DNAH10: variants seen among roughly 807,000 people sequenced by gnomAD.
The protein encoded by DNAH10 is dynein axonemal heavy chain 10.
A neutral mutation model predicts 506.6 loss-of-function variants in DNAH10; 348 were observed. The ratio of observed to expected loss-of-function variants is 0.69; its 90% confidence interval spans 0.63 to 0.75. The LOEUF (loss-of-function observed/expected upper bound fraction) is 0.75. Among genes scored for constraint, DNAH10 ranks in the 30% least tolerant of loss-of-function variants. DNAH10 has a pLI of 0.00. For missense variants in DNAH10, 5,179 were observed against 5,787.1 expected (o/e 0.89, Z 3.41); for synonymous variants, 2,059 against 2,198.6 (o/e 0.94, Z 1.78).
intron 49 of DNAH10, 126 bp from the exon 50 acceptor site, chr12:123,879,508 T>C: frequency 1.3e-6 from 2 of 1,489,262 alleles, no homozygotes; most frequent in Non-Finnish European, 1.8e-6. Context: ...TTAAGCGTCT[T>C]GCAGCAACTG....
intron 41 of DNAH10, among the ~76,000 whole-genome samples, chr12:123,866,327 TC>T (rs1951808358): frequency 3.0e-5 from 4 of 134,458 alleles, no homozygotes. Context: ...CACTGCAAGC[TC>T]CGCCTCCCAG....
In DNAH10 at chr12:123,771,818, G is replaced by A. The variant is rs114373850; in HGVS notation, c.396+120G>A. 1,828 of 851,580 alleles carry A rather than the reference G, an allele frequency of 2.1e-3. 22 individuals carry two copies. The African/African-American group carries it at 0.028, about 13-fold the overall frequency. 52.8% of individuals were successfully genotyped at this position (851,580 alleles called of 1,614,324 possible). A position where few individuals can be genotyped will look rare whatever the true frequency, so the allele number is the denominator to read the frequency against. On this transcript the variant is annotated intron_variant, in intron 3 of 78. Transcript: ENST00000673944. Reference sequence around the variant, plus strand: ...TTATCATGTTGGAATGGAAATTATAGGATCCCAAGGCCACCCTCAGATTCA... The same window carrying A: ...TTATCATGTTGGAATGGAAATTATAAGATCCCAAGGCCACCCTCAGATTCA...
At position 123,919,664 on chromosome 12, in the gene DNAH10, C is replaced by CT. The variant is rs1954641981; in HGVS notation, c.11506+716dup. 6.6e-6 allele frequency among the ~76,000 whole-genome samples: 1 copy of CT among 152,226 alleles called. No individual in the cohort carries two copies. The highest frequency in any genetic ancestry group is 2.4e-5 in the African/African-American group (1 of 41,458). ...TGGCAGTCACCGCTCTGCCTTCCAT[C>CT]TGTAAGGATTTACTTGCTCTGAACA... is the stretch of plus-strand genomic sequence containing the variant. On this transcript the variant is annotated intron_variant, in intron 65 of 78. Coordinates refer to ENST00000673944, the MANE Select transcript of DNAH10 (RefSeq NM_001372106.1). The surrounding 1 kb of genome is among the most constrained non-coding windows in gnomAD (Gnocchi z 4.9).
In DNAH10 at chr12:123,917,408, G is replaced by A. The variant is rs1482246691; in HGVS notation, c.11003-176G>A. Among the ~76,000 whole-genome samples the A allele has an allele frequency of 6.6e-6, 1 of 152,250 alleles. No individual in the cohort carries two copies. On this transcript the variant is annotated intron_variant, in intron 63 of 78. Transcript: ENST00000673944. This position sits in a 1 kb window ranked among gnomAD's most constrained non-coding sequence, Gnocchi z 5.6. Reference sequence around the variant, plus strand: ...TGCCACTCTGCACCACAGCATCGCTGTTTTGCTCCTGCCTGCCACCTTGCT... The same window carrying A: ...TGCCACTCTGCACCACAGCATCGCTATTTTGCTCCTGCCTGCCACCTTGCT...
Position 123,871,569 on chromosome 12 carries a change from G to T in DNAH10, c.7752G>T (p.Gln2584His). 1 of 1,551,406 alleles carries T rather than the reference G, an allele frequency of 6.4e-7. No homozygotes were observed. The highest frequency in any genetic ancestry group is 8.7e-7 in the Non-Finnish European group (1 of 1,147,112). ...ESGTSKTATTQNFLKNLSEET... is the reference protein window; with the variant it reads ...ESGTSKTATTHNFLKNLSEET... ...GCACTTCTAAGACAGCCACTACCCA[G>T]AATTTCCTCAAAAATCTGAGTGAAG... The change falls in exon 45 of 79, where the codon CAG becomes CAT. Residue 2584 changes from glutamine (Q) to histidine (H), a missense_variant. Gln to His is a conservative substitution (Grantham distance 24). Coordinates refer to ENST00000673944, the MANE Select transcript of DNAH10 (RefSeq NM_001372106.1).
At position 123,836,689 on chromosome 12, in the gene DNAH10, T is replaced by A. The variant is rs75821109; in HGVS notation, c.4902+1161T>A. ...AGAGTTTATAACTGTTTCATATAAT[T>A]GTTGCATAAGCTCTTTTTTTAAACT... On this transcript the variant is annotated intron_variant, in intron 28 of 78. Transcript: ENST00000673944. Among the ~76,000 whole-genome samples the A allele has an allele frequency of 8.9e-3, 1,363 of 152,314 alleles. 15 individuals are homozygous for A. Among genetic ancestry groups the A allele is most frequent in the African/African-American group, 0.03 (1,263 of 41,564 alleles).
intron 21 of DNAH10, among the ~76,000 whole-genome samples, chr12:123,816,559 G>A (rs1959150607): frequency 1.3e-5 from 2 of 152,150 alleles, no homozygotes; most frequent in African/African-American, 2.4e-5. Flanking sequence ...CGTCTCTTTC[G>A]TTTGGCTGTT....
intron 50 of DNAH10, among the ~76,000 whole-genome samples, chr12:123,880,726 G>A (rs1353712459): frequency 6.6e-6 from 1 of 151,162 alleles, no homozygotes; most frequent in Admixed American, 6.6e-5. Flanking sequence ...ACGTATACAT[G>A]TGCCATGTTG....
chr12:123,845,376 C>T (rs914908922), intron 30 of DNAH10, among the ~76,000 whole-genome samples: 3 of 152,182 alleles, frequency 2.0e-5, no homozygotes, highest in Non-Finnish European at 2.9e-5. Context: ...GAGGCACCCT[C>T]GGCCTGGAAT....
intron 12 of DNAH10, among the ~76,000 whole-genome samples, chr12:123,795,961 C>A (rs1255732837): frequency 1.3e-5 from 2 of 152,070 alleles, no homozygotes; most frequent in Non-Finnish European, 2.9e-5. Context: ...ATGTTTATAT[C>A]AAAACGTGCC....
At position 123,916,852 on chromosome 12, in the gene DNAH10, A is replaced by G. The variant is rs1280286983; in HGVS notation, c.11002+116A>G. On this transcript the variant is annotated intron_variant, in intron 63 of 78. Coordinates refer to ENST00000673944, the MANE Select transcript of DNAH10 (RefSeq NM_001372106.1). The surrounding 1 kb of genome is among the most constrained non-coding windows in gnomAD (Gnocchi z 4.6). ...CTCAGTGACCCCAGATCATTCTCTCATAGGCACATCTGGACTAGTCAGCTC... is the reference window on the plus strand; with the variant it reads ...CTCAGTGACCCCAGATCATTCTCTCGTAGGCACATCTGGACTAGTCAGCTC... The G allele has an allele frequency of 9.3e-6, 12 of 1,293,368 alleles. No homozygotes were observed. Among genetic ancestry groups the G allele is most frequent in the Middle Eastern group, 2.0e-4 (1 of 4,934 alleles). The allele number at this position is 1,293,368 out of a possible 1,614,324, so 80.1% of individuals were successfully genotyped here.
intron 11 of DNAH10, among the ~76,000 whole-genome samples, chr12:123,792,844 A>G (rs377223486): frequency 1.4e-4 from 22 of 152,002 alleles, no homozygotes; most frequent in South Asian, 2.1e-4. Flanking sequence ...TGGATTTTCA[A>G]TTTTCTAGAT....
At position 123,859,221 on chromosome 12, in the gene DNAH10, A is replaced by AG. The variant is rs1461926921; in HGVS notation, c.6707dup (p.Lys2237GlnfsTer6). 2 of 1,611,108 alleles carry AG rather than the reference A, an allele frequency of 1.2e-6. No individual in the cohort carries two copies. Among genetic ancestry groups the AG allele is most frequent in the African/African-American group, 2.7e-5 (2 of 74,864 alleles). ...CGACGATGGTGGTGGGGCCCACCAG[A>AG]GGGGGCAAGTCCGTCGTCATTAACA... is the stretch of plus-strand genomic sequence containing the variant. On this transcript the variant is annotated frameshift_variant, in exon 38 of 79. Transcript: ENST00000673944. LOFTEE classifies it high-confidence loss of function.
At chr12:123,932,669 T>C (rs1303366374) in intron 76 of DNAH10, 1 of 153,186 alleles carries the variant, frequency 6.5e-6, no homozygotes, top group Non-Finnish European at 1.5e-5. Context: ...ATGAGAGTGC[T>C]TCTTTCCTCA....
intron 51 of DNAH10, among the ~76,000 whole-genome samples, chr12:123,886,283 G>A (rs564485196): frequency 6.6e-6 from 1 of 152,294 alleles, no homozygotes; most frequent in African/African-American, 2.4e-5. Context: ...GACACACAGG[G>A]CTGTGTCTGG....
intron 52 of DNAH10, among the ~76,000 whole-genome samples, chr12:123,889,734 A>G (rs1028607185): frequency 5.9e-5 from 9 of 152,186 alleles, no homozygotes; most frequent in South Asian, 2.1e-4. Flanking sequence ...TTCCCCAAAC[A>G]GCACGGATTT....
At chr12:123,869,760 T>G (rs1489767976) in intron 43 of DNAH10, among the ~76,000 whole-genome samples, 2 of 152,190 alleles carry the variant, frequency 1.3e-5, no homozygotes, top group African/African-American at 4.8e-5. Context: ...CTCTCTCATG[T>G]TCAGTCTCCG....
rs991595039 is a variant in DNAH10, at chr12:123,932,086, G to A, written c.13274G>A (p.Arg4425Gln). The A allele has an allele frequency of 5.0e-6, 8 of 1,613,802 alleles. No homozygotes were observed. The highest frequency in any genetic ancestry group is 1.7e-5 in the Admixed American group (1 of 60,020). Residue 4425 changes from arginine to glutamine, a missense_variant, in exon 76 of 79, where the codon CGG becomes CAG. Coordinates refer to ENST00000673944, the MANE Select transcript of DNAH10 (RefSeq NM_001372106.1). Reference sequence around the variant, plus strand: ...AACTGGATGGTCTACTTCCTGCGGCGGTTCAGCCAGTACATGTTGTGGGTA... The same window carrying A: ...AACTGGATGGTCTACTTCCTGCGGCAGTTCAGCCAGTACATGTTGTGGGTA... ...LGNWMVYFLR[R>Q]FSQYMLWVTE...
At chr12:123,832,908 C>T (rs183311247) in intron 26 of DNAH10, among the ~76,000 whole-genome samples, 162 of 152,216 alleles carry the variant, frequency 1.1e-3, no homozygotes, top group African/African-American at 3.1e-3. Flanking sequence ...TGAATGAGAT[C>T]GTGTATGTGA....
Sources: gnomAD v4.1 joint callset for allele counts (sites outside exome capture counted in the v4.1 genomes callset) on GRCh38, gnomAD v4.1.1 for gene constraint, Gnocchi (gnomAD v3.1) non-coding constraint, MANE v1.5 for transcripts, NCBI Gene and HGNC (gene_info 2026-07-23, HGNC 2026-07-21) for gene names.